Variants in AUTS2 observed in about 807,000 individuals in gnomAD.
AUTS2 encodes activator of transcription and developmental regulator AUTS2.
In AUTS2, 17 loss-of-function variants were observed where a neutral mutation model predicts 112.4. That is an observed-to-expected ratio of 0.15 (90% CI 0.10 to 0.23). The LOEUF (loss-of-function observed/expected upper bound fraction) is 0.23. Ranked by LOEUF, AUTS2 falls within the 10% of genes least tolerant of loss-of-function variation. AUTS2 has a pLI of 1.00. For synonymous variants in AUTS2, 751 were observed against 702.7 expected (o/e 1.07, Z -1.09); for missense variants, 1,510 against 1,701.6 (o/e 0.89, Z 1.98).
chr7:70,324,437 C>T lies in AUTS2; in HGVS notation c.661-111315C>T, dbSNP rs564324589. The stretch of plus-strand genomic sequence containing the variant: ...AGGAGTTCAAGACCAGCCTGGGCAA[C>T]ATAGCAAGACCCTATCTCTACAAAA... On this transcript the variant is annotated intron_variant, in intron 4 of 18. Transcript: ENST00000342771. Among the ~76,000 whole-genome samples, 5 of 152,184 alleles carry T rather than the reference C, an allele frequency of 3.3e-5. No individual in the cohort carries two copies. The South Asian group carries it at 1.0e-3, about 32-fold the overall frequency.
intron 5 of AUTS2, among the ~76,000 whole-genome samples, chr7:70,620,505 G>A (rs1055122112): frequency 6.6e-6 from 1 of 152,098 alleles, no homozygotes; most frequent in Admixed American, 6.5e-5. Context: ...GGGGTTGGTC[G>A]GGCCCTTTGC....
Position 69,820,980 on chromosome 7 carries a change from C to G in AUTS2, c.310-78306C>G, listed in dbSNP as rs144665303. Among the ~76,000 whole-genome samples the G allele has an allele frequency of 5.1e-3, 780 of 152,290 alleles. 13 individuals carry two copies. The highest frequency in any genetic ancestry group is 0.017 in the African/African-American group (727 of 41,564). ...GGTGCAATTAATTGGGGCCAGGGCT[C>G]TGCACCTGGAAAGGCTTTATAACGT... On this transcript the variant is annotated intron_variant, in intron 1 of 18. Coordinates refer to ENST00000342771, the MANE Select transcript of AUTS2 (RefSeq NM_015570.4).
intron 1 of AUTS2, among the ~76,000 whole-genome samples, chr7:69,817,893 GTTTT>G (rs1301302155): frequency 6.6e-6 from 1 of 152,128 alleles, no homozygotes; most frequent in African/African-American, 2.4e-5. Flanking sequence ...TTATGGTAAT[GTTTT>G]TTGCTGATTT....
chr7:69,871,563 A>G (rs1452742240), intron 1 of AUTS2, among the ~76,000 whole-genome samples: 2 of 152,206 alleles, frequency 1.3e-5, no homozygotes, highest in African/African-American at 2.4e-5. Flanking sequence ...AACAACAGTT[A>G]TTAACCACAG....
chr7:70,149,471 A>G (rs748854207), intron 4 of AUTS2, among the ~76,000 whole-genome samples: 1 of 152,052 alleles, frequency 6.6e-6, no homozygotes, highest in Admixed American at 6.6e-5. Flanking sequence ...ACTAACTTCT[A>G]TTTCACATAA....
chr7:69,868,571 T>TAAGTAAGTCTACTCCA (rs1348422048), intron 1 of AUTS2, among the ~76,000 whole-genome samples: 2 of 152,208 alleles, frequency 1.3e-5, no homozygotes, highest in African/African-American at 4.8e-5. Flanking sequence ...TCAGACCACA[T>TAAGTAAGTCTACTCCA]AAGTAAGTCT....
intron 1 of AUTS2, among the ~76,000 whole-genome samples, chr7:69,714,929 C>T (rs920625392): frequency 6.6e-6 from 1 of 151,678 alleles, no homozygotes; most frequent in African/African-American, 2.4e-5. Context: ...ATTATGTTTA[C>T]TCTTTTTATG....
At chr7:70,610,395 C>T (rs1387387600) in intron 5 of AUTS2, among the ~76,000 whole-genome samples, 1 of 149,084 alleles carries the variant, frequency 6.7e-6, no homozygotes, top group East Asian at 2.0e-4. Context: ...TCTTTTTCTC[C>T]ACATTCTCAC....
intron 2 of AUTS2, among the ~76,000 whole-genome samples, chr7:70,114,041 T>G (rs1805227751): frequency 6.6e-6 from 1 of 152,246 alleles, no homozygotes; most frequent in Non-Finnish European, 1.5e-5. Context: ...ACAAACTAGC[T>G]TCTTATATTT....
At chr7:69,838,683 C>T (rs1045156624) in intron 1 of AUTS2, among the ~76,000 whole-genome samples, 3 of 152,098 alleles carry the variant, frequency 2.0e-5, no homozygotes, top group Admixed American at 1.3e-4. Context: ...CAGTGGAACT[C>T]TTCTTTAAAT....
rs111353088 is a variant in AUTS2 at position 70,065,422 on chromosome 7, G to A, written c.523-52710G>A. Among the ~76,000 whole-genome samples the A allele has an allele frequency of 1.6e-3, 244 of 152,126 alleles. 6 individuals carry two copies. Among genetic ancestry groups the A allele is most frequent in the African/African-American group, 5.5e-3 (230 of 41,504 alleles). On this transcript the variant is annotated intron_variant, in intron 2 of 18. Transcript: ENST00000342771. ...AAAAATTATTATTATTGCCAGGCAC[G>A]GTGGCTAACACCTGTAATCCCAGCA...
chr7:70,676,196 T>G (rs957080185), intron 5 of AUTS2, among the ~76,000 whole-genome samples: 5 of 152,144 alleles, frequency 3.3e-5, no homozygotes, highest in Admixed American at 3.3e-4. Context: ...ATCCCAACAC[T>G]TTGGGAGGCC....
chr7:70,220,888 T>C (rs1445848103), intron 4 of AUTS2, among the ~76,000 whole-genome samples: 1 of 152,186 alleles, frequency 6.6e-6, no homozygotes, highest in African/African-American at 2.4e-5. Context: ...ACCATATAGA[T>C]TCTACCATTA....
At chr7:69,732,044 A>G (rs1786819774) in intron 1 of AUTS2, among the ~76,000 whole-genome samples, 3 of 151,832 alleles carry the variant, frequency 2.0e-5, no homozygotes, top group Admixed American at 6.6e-5. Context: ...CTAGTATCAC[A>G]GTAGATGCTG....
chr7:70,359,996 C>T (rs180762596), intron 4 of AUTS2, among the ~76,000 whole-genome samples: 7 of 152,196 alleles, frequency 4.6e-5, no homozygotes, highest in Admixed American at 4.6e-4. Context: ...TTTTGATCTT[C>T]CTTTAAAAAG....
intron 5 of AUTS2, among the ~76,000 whole-genome samples, chr7:70,530,327 C>T (rs1282361299): frequency 1.3e-5 from 2 of 152,104 alleles, no homozygotes; most frequent in Non-Finnish European, 2.9e-5. Flanking sequence ...TTAACGGCCT[C>T]CTGGGAGTGT....
intron 5 of AUTS2, among the ~76,000 whole-genome samples, chr7:70,653,935 A>G (rs1263073333): frequency 6.6e-6 from 1 of 152,180 alleles, no homozygotes; most frequent in Admixed American, 6.5e-5. Context: ...TCCCTTCAGT[A>G]ATATTCTTTA....
At chr7:70,344,415 C>G (rs1264718736) in intron 4 of AUTS2, among the ~76,000 whole-genome samples, 4 of 152,190 alleles carry the variant, frequency 2.6e-5, no homozygotes, top group African/African-American at 9.7e-5. Context: ...AGCTCCTGCC[C>G]TGTCCTGAAG....
chr7:70,082,676 A>G (rs1271003420), intron 2 of AUTS2, among the ~76,000 whole-genome samples: 1 of 152,202 alleles, frequency 6.6e-6, no homozygotes, highest in Admixed American at 6.5e-5. Context: ...CCTTTTATGT[A>G]GCCCTTAACT....
Sources: gnomAD v4.1 joint callset for allele counts (sites outside exome capture counted in the v4.1 genomes callset) on GRCh38, gnomAD v4.1.1 for gene constraint, MANE v1.5 for transcripts, NCBI Gene and HGNC (gene_info 2026-07-23, HGNC 2026-07-21) for gene names.